The following ENOX2 variants were observed in gnomAD, a reference collection of about 807,000 sequenced individuals.
ENOX2 encodes ecto-NOX disulfide-thiol exchanger 2.
Under a neutral mutation model 45.0 loss-of-function variants are expected in ENOX2, and 36 were observed. The ratio of observed to expected loss-of-function variants is 0.80; its 90% CI spans 0.61 to 1.06. The LOEUF is 1.06. Among genes scored for constraint, ENOX2 ranks in the 50% least tolerant of loss-of-function variants. The pLI, the probability that ENOX2 is intolerant of heterozygous loss-of-function variation, is 0.00. For synonymous variants in ENOX2, 174 were observed against 152.3 expected (o/e 1.14, Z -1.05); for missense variants, 423 against 462.5 (o/e 0.91, Z 0.78).
chrX:130,640,683 A>G (rs1490126330), intron 10 of ENOX2, among the ~76,000 whole-genome samples: 2 of 111,830 alleles, frequency 1.8e-5, no homozygotes, highest in East Asian at 5.6e-4. Context: ...GTTCTCACTT[A>G]TAAGTGGGAG....
At chrX:130,865,858 C>T (rs2078486480) in intron 2 of ENOX2, among the ~76,000 whole-genome samples, 1 of 110,885 alleles carries the variant, frequency 9.0e-6, no homozygotes, top group Non-Finnish European at 1.9e-5. Flanking sequence ...TCCTAATAGC[C>T]GTAGATCCTA....
intron 2 of ENOX2, among the ~76,000 whole-genome samples, chrX:130,894,930 C>T (rs2079037363): frequency 8.9e-6 from 1 of 111,866 alleles, no homozygotes; most frequent in Non-Finnish European, 1.9e-5. Context: ...AGAGACTAGG[C>T]AATGCCCCTC....
In ENOX2 at chrX:130,727,718, C is replaced by G. The variant is rs1390538428; in HGVS notation, c.-38-24464G>C. The stretch of plus-strand genomic sequence containing the variant: ...CAGAGTTGAGCTGGAATCACATCTT[C>G]TGTTTTCTCTTGGGGCTGGTGTTGA... On this transcript the variant is annotated intron_variant, in intron 3 of 14. Transcript: ENST00000394363. Among the ~76,000 whole-genome samples the G allele has an allele frequency of 3.6e-5, 4 of 112,233 alleles. No homozygotes were observed. The South Asian group carries it at 1.5e-3, about 42-fold the overall frequency.
At chrX:130,638,822 G>A (rs773280269) in intron 10 of ENOX2, among the ~76,000 whole-genome samples, 7 of 111,168 alleles carry the variant, frequency 6.3e-5, no homozygotes, top group Admixed American at 4.8e-4. Flanking sequence ...GGCTCAGTGT[G>A]GACAAGTCTG....
chrX:130,797,954 T>G (rs186727436), intron 2 of ENOX2, among the ~76,000 whole-genome samples: 23 of 110,691 alleles, frequency 2.1e-4, no homozygotes, highest in African/African-American at 7.2e-4. Context: ...CTGGAGGAGA[T>G]CAAGACTTTA....
At chrX:130,830,506 T>A (rs1306901054) in intron 2 of ENOX2, among the ~76,000 whole-genome samples, 1 of 111,476 alleles carries the variant, frequency 9.0e-6, no homozygotes, top group Non-Finnish European at 1.9e-5. Flanking sequence ...TGCAAACCTG[T>A]CTATGTCTCT....
intron 2 of ENOX2, among the ~76,000 whole-genome samples, chrX:130,787,389 T>A (rs968035441): frequency 8.9e-6 from 1 of 111,852 alleles, no homozygotes; most frequent in Non-Finnish European, 1.9e-5. Flanking sequence ...CAGCATAACA[T>A]CTGGCACATA....
intron 6 of ENOX2, among the ~76,000 whole-genome samples, chrX:130,672,403 C>T (rs780251572): frequency 5.4e-5 from 6 of 112,094 alleles, no homozygotes; most frequent in Non-Finnish European, 7.5e-5. Context: ...CCAGGGCCCC[C>T]GCACACCATC....
In ENOX2 at chrX:130,637,259, G is replaced by C; in HGVS notation, c.1281C>G (p.Leu427=). ...GCATTCCTTGCAGGGCTTGTTGCAG[G>C]AGTTTCAGCTGCTGTTCTTTGTTAG... The part of the protein sequence containing the change: ...DDPNKEQQLK[L]LQQALQGMQQ... Residue 427 remains leucine (L), a synonymous_variant, in exon 11 of 15, where the codon CTC becomes CTG. Transcript: ENST00000394363. 8.3e-7 allele frequency: 1 copy of C among 1,211,338 alleles called. No homozygotes were observed. Among genetic ancestry groups the C allele is most frequent in the East Asian group, 3.0e-5 (1 of 33,850 alleles).
intron 13 of ENOX2, 92 bp downstream of exon 13, chrX:130,631,376 C>A: frequency 1.9e-6 from 1 of 526,619 alleles, no homozygotes; most frequent in South Asian, 3.0e-5. Flanking sequence ...TTCATAAATG[C>A]TTGGCATGTG....
chrX:130,678,028 G>A (rs905396443), intron 6 of ENOX2, among the ~76,000 whole-genome samples: 2 of 108,234 alleles, frequency 1.8e-5, no homozygotes, highest in Non-Finnish European at 3.8e-5. Context: ...CGGAGGTTGC[G>A]GTGAGCCAAA....
intron 12 of ENOX2, among the ~76,000 whole-genome samples, chrX:130,632,513 G>C (rs1009358034): frequency 1.8e-5 from 2 of 110,775 alleles, no homozygotes; most frequent in African/African-American, 6.6e-5. Flanking sequence ...TGAAGGCAAA[G>C]CTTTCAGAAG....
Position 130,784,893 on chromosome X carries a change from C to A in ENOX2, c.-182-1203G>T, listed in dbSNP as rs191220153. On this transcript the variant is annotated intron_variant, in intron 2 of 14. Coordinates refer to ENST00000394363, the MANE Select transcript of ENOX2 (RefSeq NM_006375.4). ...TTGAGCCACGGTGCGCAGCCCATAG[C>A]TCATTCTTTAACTCCCAAATTTTCT... 1.7e-3 allele frequency among the ~76,000 whole-genome samples: 190 copies of A among 108,572 alleles called. 1 individual carries two copies. The highest frequency in any genetic ancestry group is 5.9e-3 in the African/African-American group (175 of 29,846). 94.3% of individuals were successfully genotyped at this position (108,572 alleles called of 115,157 possible).
chrX:130,663,960 T>C (rs1250375667), intron 9 of ENOX2, among the ~76,000 whole-genome samples: 1 of 112,035 alleles, frequency 8.9e-6, no homozygotes, highest in African/African-American at 3.3e-5. Flanking sequence ...CAAAGTTGAA[T>C]TTTGTTTGTT....
chrX:130,706,624 T>G (rs756346362), intron 3 of ENOX2, among the ~76,000 whole-genome samples: 1 of 111,947 alleles, frequency 8.9e-6, no homozygotes, highest in African/African-American at 3.2e-5. Flanking sequence ...ATTTCTTAGT[T>G]TAGTGTCTAG....
intron 3 of ENOX2, among the ~76,000 whole-genome samples, chrX:130,733,073 C>T (rs1347899498): frequency 1.8e-5 from 2 of 111,935 alleles, no homozygotes; most frequent in Non-Finnish European, 3.8e-5. Context: ...ACTCAACAGA[C>T]TGAAAAGTCA....
intron 3 of ENOX2, among the ~76,000 whole-genome samples, chrX:130,708,043 A>G (rs1031397625): frequency 8.9e-6 from 1 of 112,183 alleles, no homozygotes; most frequent in Non-Finnish European, 1.9e-5. Context: ...TGTAGAACTT[A>G]TACTCTAATG....
rs147230041 is a variant in ENOX2, at chrX:130,783,887, T to C, written c.-182-197A>G. Among the ~76,000 whole-genome samples the C allele has an allele frequency of 5.9e-3, 661 of 112,111 alleles. 3 individuals are homozygous for C. Among genetic ancestry groups the C allele is most frequent in the Middle Eastern group, 0.032 (7 of 218 alleles). The stretch of plus-strand genomic sequence containing the variant: ...TAAGTACAAAATTAAAATATAAGAC[T>C]GTGGCTCTGTCATTTGTAAGATCCC... On this transcript the variant is annotated intron_variant, in intron 2 of 14. Coordinates refer to ENST00000394363, the MANE Select transcript of ENOX2 (RefSeq NM_006375.4).
chrX:130,833,601 C>A (rs1000284081), intron 2 of ENOX2, among the ~76,000 whole-genome samples: 2 of 111,077 alleles, frequency 1.8e-5, no homozygotes, highest in Non-Finnish European at 3.8e-5. Context: ...TTTGGGGATG[C>A]CTGACTTTAG....
Sources: allele counts gnomAD v4.1 joint callset (sites outside exome capture counted in the v4.1 genomes callset), GRCh38; gene constraint gnomAD v4.1.1; transcripts MANE v1.5; gene names NCBI Gene and HGNC (gene_info 2026-07-23, HGNC 2026-07-21).